Variants in EXOC6B observed in about 807,000 individuals in gnomAD.
EXOC6B encodes the protein exocyst complex component 6B.
In EXOC6B, 54 loss-of-function variants were observed where a neutral mutation model predicts 113.5. That is an observed-to-expected ratio of 0.48 (90% CI 0.38 to 0.60). The LOEUF (loss-of-function observed/expected upper bound fraction) is 0.60, where lower values mean the gene tolerates loss of function less well. Among genes scored for constraint, EXOC6B ranks in the 20% least tolerant of loss-of-function variants. The pLI is 0.00. For synonymous variants in EXOC6B, 357 were observed against 339.0 expected (o/e 1.05, Z -0.58); for missense variants, 797 against 977.5 (o/e 0.82, Z 2.46).
Position 72,826,032 on chromosome 2 carries a change from A to C in EXOC6B, c.-122T>G. Reference sequence around the variant, plus strand: ...CCAGCCTCTGGCTACCCGCAGGCCGACCCCTCCCTCAGGCTCGACACGCCC... The same window carrying C: ...CCAGCCTCTGGCTACCCGCAGGCCGCCCCCTCCCTCAGGCTCGACACGCCC... On this transcript the variant is annotated 5_prime_UTR_variant, in exon 1 of 22. Coordinates refer to ENST00000272427, the MANE Select transcript of EXOC6B (RefSeq NM_015189.3). 2 of 1,452,274 alleles carry C rather than the reference A, an allele frequency of 1.4e-6. No individual in the cohort carries two copies. Among genetic ancestry groups the C allele is most frequent in the South Asian group, 2.8e-5 (2 of 71,346 alleles). The allele number at this position is 1,452,274 out of a possible 1,614,324, so 90.0% of individuals were successfully genotyped here. A position where few individuals can be genotyped will look rare whatever the true frequency, so the allele number is the denominator to read the frequency against.
At chr2:72,189,860 C>CTTCTTTTTTT (rs1178321834) in intron 20 of EXOC6B, among the ~76,000 whole-genome samples, 19 of 87,206 alleles carry the variant, frequency 2.2e-4, no homozygotes, top group African/African-American at 1.2e-3. Context: ...CCTTCTTCTT[C>CTTCTTTTTTT]TTTTTTTTTT....
At chr2:72,243,793 T>G (rs1283180423) in intron 20 of EXOC6B, among the ~76,000 whole-genome samples, 4 of 151,912 alleles carry the variant, frequency 2.6e-5, no homozygotes, top group Admixed American at 2.6e-4. Context: ...AAAAGAAAAT[T>G]ATCAGGGATA....
chr2:72,462,274 A>G (rs996860926), intron 18 of EXOC6B: 1 of 152,134 alleles, frequency 6.6e-6, no homozygotes, highest in Non-Finnish European at 1.5e-5. Flanking sequence ...CATTGCTAAT[A>G]TAAGAAAAGT....
At chr2:72,612,692 G>A (rs978463850) in intron 6 of EXOC6B, among the ~76,000 whole-genome samples, 2 of 152,300 alleles carry the variant, frequency 1.3e-5, no homozygotes, top group East Asian at 3.9e-4. Flanking sequence ...TTGCGTGCCT[G>A]AGCAGAAAGA....
At chr2:72,603,712 T>G (rs1670576601) in intron 6 of EXOC6B, among the ~76,000 whole-genome samples, 1 of 152,162 alleles carries the variant, frequency 6.6e-6, no homozygotes, top group Non-Finnish European at 1.5e-5. Flanking sequence ...TGCTTCCCAC[T>G]GGTAAGTGCT....
chr2:72,684,796 T>C (rs149555407), intron 6 of EXOC6B, among the ~76,000 whole-genome samples: 2,473 of 152,146 alleles, frequency 0.016, 85 homozygotes, highest in African/African-American at 0.057. Context: ...AGAACAATGG[T>C]TGCCCATGGG....
chr2:72,286,797 A>T (rs1685456299), intron 20 of EXOC6B, among the ~76,000 whole-genome samples: 1 of 152,202 alleles, frequency 6.6e-6, no homozygotes, highest in East Asian at 1.9e-4. Context: ...TGGTAAAATT[A>T]AAATTGCTGT....
intron 8 of EXOC6B, among the ~76,000 whole-genome samples, chr2:72,551,725 T>C (rs773312988): frequency 1.3e-5 from 2 of 151,784 alleles, no homozygotes; most frequent in Middle Eastern, 3.4e-3. Context: ...CTCGATCTCC[T>C]GACCTAGTGA....
chr2:72,302,770 TC>T (rs1686609993), intron 20 of EXOC6B, among the ~76,000 whole-genome samples: 1 of 152,164 alleles, frequency 6.6e-6, no homozygotes, highest in African/African-American at 2.4e-5. Context: ...GAGTCTTCTT[TC>T]TTTTTTTTTC....
chr2:72,337,393 G>C (rs993682198), intron 19 of EXOC6B, among the ~76,000 whole-genome samples: 2 of 152,236 alleles, frequency 1.3e-5, no homozygotes, highest in East Asian at 3.9e-4. Context: ...GTGTCAAATG[G>C]CAGCAACTAT....
At chr2:72,179,550 T>C in intron 21 of EXOC6B, 89 bp from the exon 22 acceptor site, 1 of 1,440,878 alleles carries the variant, frequency 6.9e-7, no homozygotes, top group South Asian at 1.2e-5. Context: ...GCAATGCATC[T>C]TAACCACTAC....
Position 72,295,987 on chromosome 2 carries a change from C to G in EXOC6B, c.2196+38960G>C, listed in dbSNP as rs190733027. Among the ~76,000 whole-genome samples, 25 of 152,084 alleles carry G rather than the reference C, an allele frequency of 1.6e-4. No individual in the cohort carries two copies. In the East Asian group the frequency reaches 4.8e-3, roughly 29 times the overall value. On this transcript the variant is annotated intron_variant, in intron 20 of 21. Coordinates refer to ENST00000272427, the MANE Select transcript of EXOC6B (RefSeq NM_015189.3). ...TCATAATTTCTCTGTGAAATAAATACAAGGACATCCCCTTAAAGATGAAGA... is the reference window on the plus strand; with the variant it reads ...TCATAATTTCTCTGTGAAATAAATAGAAGGACATCCCCTTAAAGATGAAGA...
At chr2:72,570,341 T>G (rs1704442689) in intron 7 of EXOC6B, among the ~76,000 whole-genome samples, 1 of 152,202 alleles carries the variant, frequency 6.6e-6, no homozygotes, top group Non-Finnish European at 1.5e-5. Context: ...AAATCACCCA[T>G]TCTCCAGCAT....
At chr2:72,788,190 T>G (rs1361817055) in intron 1 of EXOC6B, among the ~76,000 whole-genome samples, 1 of 152,210 alleles carries the variant, frequency 6.6e-6, no homozygotes, top group Admixed American at 6.5e-5. Context: ...CTCATCTGCC[T>G]CATAGGGTTG....
At chr2:72,703,248 T>C (rs1231666927) in intron 6 of EXOC6B, among the ~76,000 whole-genome samples, 2 of 120,260 alleles carry the variant, frequency 1.7e-5, no homozygotes, top group Admixed American at 9.0e-5. Flanking sequence ...TGCGGCGTTA[T>C]TTCTGAGGGC....
chr2:72,687,231 A>C (rs901886861), intron 6 of EXOC6B, among the ~76,000 whole-genome samples: 5 of 152,156 alleles, frequency 3.3e-5, no homozygotes, highest in Admixed American at 3.3e-4. Context: ...TAGGCTGGTA[A>C]GAAATAATTA....
intron 20 of EXOC6B, among the ~76,000 whole-genome samples, chr2:72,304,651 A>C (rs914389943): frequency 1.3e-5 from 2 of 152,238 alleles, no homozygotes; most frequent in Non-Finnish European, 2.9e-5. Flanking sequence ...TTTGCACAGC[A>C]GAAAGTCAAC....
chr2:72,480,443 G>A (rs189157836), intron 17 of EXOC6B, among the ~76,000 whole-genome samples, 173 bp downstream of exon 17: 4 of 152,178 alleles, frequency 2.6e-5, no homozygotes, highest in East Asian at 3.9e-4. Context: ...CCAAAAACTC[G>A]CACTGGTATT....
intron 5 of EXOC6B, among the ~76,000 whole-genome samples, chr2:72,729,518 A>T (rs1473860969): frequency 1.3e-5 from 2 of 150,654 alleles, no homozygotes; most frequent in Non-Finnish European, 2.9e-5. Flanking sequence ...TCGAGCTATC[A>T]TGTGAGCCAA....
Sources: gnomAD v4.1 joint callset for allele counts (sites outside exome capture counted in the v4.1 genomes callset) on GRCh38, gnomAD v4.1.1 for gene constraint, MANE v1.5 for transcripts, NCBI Gene and HGNC (gene_info 2026-07-23, HGNC 2026-07-21) for gene names.